The following ADAMTSL1 variants were observed in gnomAD, a reference collection of about 807,000 sequenced individuals.
ADAMTSL1 encodes ADAMTS like 1.
Under a neutral mutation model 201.8 loss-of-function variants are expected in ADAMTSL1, and 126 were observed. That is an observed-to-expected ratio of 0.62 (90% confidence interval 0.54 to 0.72). The LOEUF is 0.72. Among genes scored for constraint, ADAMTSL1 ranks in the 30% least tolerant of loss-of-function variants. The probability of loss-of-function intolerance (pLI) is 0.00; values close to 1 mark genes in which losing one functional copy is unlikely to be tolerated. For missense variants in ADAMTSL1, 2,679 were observed against 2,277.8 expected, an observed-to-expected ratio of 1.18 and a Z score of -3.59; for synonymous variants, 1,121 against 903.4, an observed-to-expected ratio of 1.24 and a Z score of -4.32.
intron 21 of ADAMTSL1, among the ~76,000 whole-genome samples, chr9:18,822,403 T>A (rs530801776): frequency 1.3e-5 from 2 of 152,334 alleles, no homozygotes; most frequent in East Asian, 3.9e-4. Flanking sequence ...TAGAAAGGAA[T>A]TAAGCCTTTG....
chr9:17,986,632 A>C (rs1818940605), intron 1 of ADAMTSL1, among the ~76,000 whole-genome samples: 1 of 152,126 alleles, frequency 6.6e-6, no homozygotes, highest in African/African-American at 2.4e-5. Flanking sequence ...TGCATTTAAA[A>C]TTATGCTATA....
At chr9:17,964,349 A>G (rs1324459403) in intron 1 of ADAMTSL1, among the ~76,000 whole-genome samples, 2 of 152,090 alleles carry the variant, frequency 1.3e-5, no homozygotes, top group Non-Finnish European at 2.9e-5. Flanking sequence ...TCCAACCCCT[A>G]CAAACAATAT....
chr9:18,651,158 C>T (rs4977510), intron 7 of ADAMTSL1: 40,451 of 152,058 alleles, frequency 0.27, 5,897 homozygotes, highest in East Asian at 0.65. Flanking sequence ...GCTATGAGAG[C>T]AGACTGGGGG....
intron 2 of ADAMTSL1, among the ~76,000 whole-genome samples, chr9:18,527,565 A>C (rs537131194): frequency 6.6e-6 from 1 of 152,272 alleles, no homozygotes; most frequent in African/African-American, 2.4e-5. Context: ...AAATCTTTTA[A>C]TTTTTCATGT....
chr9:18,549,497 G>A (rs573465054), intron 3 of ADAMTSL1, among the ~76,000 whole-genome samples: 1 of 152,082 alleles, frequency 6.6e-6, no homozygotes, highest in African/African-American at 2.4e-5. Context: ...ATATAGGAAA[G>A]GTGGGCAAAA....
At chr9:18,398,606 C>G (rs1002383728) in intron 2 of ADAMTSL1, among the ~76,000 whole-genome samples, 1 of 152,144 alleles carries the variant, frequency 6.6e-6, no homozygotes, top group African/African-American at 2.4e-5. Flanking sequence ...GAAACCATGT[C>G]TTTCACAAAA....
At chr9:18,706,316 GA>G (rs1832229499) in intron 13 of ADAMTSL1, among the ~76,000 whole-genome samples, 1 of 152,186 alleles carries the variant, frequency 6.6e-6, no homozygotes, top group South Asian at 2.1e-4. Flanking sequence ...AGGACAACCA[GA>G]GCTTGCTTTC....
chr9:18,358,793 T>C (rs1836370860), intron 2 of ADAMTSL1, among the ~76,000 whole-genome samples: 2 of 152,234 alleles, frequency 1.3e-5, no homozygotes, highest in African/African-American at 4.8e-5. Flanking sequence ...ACATTTGGAT[T>C]ATTTCCTTAT....
intron 1 of ADAMTSL1, among the ~76,000 whole-genome samples, chr9:18,079,543 A>T (rs950880652): frequency 6.6e-6 from 1 of 151,868 alleles, no homozygotes; most frequent in Non-Finnish European, 1.5e-5. Flanking sequence ...TTAGCCGGGC[A>T]TGGTGGTGCA....
At chr9:18,673,667 A>T (rs960795141) in intron 9 of ADAMTSL1, among the ~76,000 whole-genome samples, 1 of 152,208 alleles carries the variant, frequency 6.6e-6, no homozygotes, top group African/African-American at 2.4e-5. Flanking sequence ...AAATCAATTG[A>T]CAGAGATCTG....
intron 2 of ADAMTSL1, among the ~76,000 whole-genome samples, chr9:18,404,888 CTTG>C (rs1169614038): frequency 1.3e-5 from 2 of 152,114 alleles, no homozygotes; most frequent in South Asian, 2.1e-4. Context: ...CAGGTTGTAT[CTTG>C]TTGTTCCACA....
intron 2 of ADAMTSL1, among the ~76,000 whole-genome samples, chr9:18,185,710 A>T (rs866932507): frequency 6.6e-6 from 1 of 152,178 alleles, no homozygotes; most frequent in Admixed American, 6.6e-5. Flanking sequence ...TGGTATAGAA[A>T]TGAATAGCTT....
chr9:18,807,659 CAAA>C, intron 20 of ADAMTSL1, among the ~76,000 whole-genome samples: 1 of 86,588 alleles, frequency 1.2e-5, no homozygotes, highest in Admixed American at 1.1e-4. Flanking sequence ...AAAAAAAAAA[CAAA>C]AAAAAAACAA....
chr9:17,977,388 G>C (rs2131451382), intron 1 of ADAMTSL1, among the ~76,000 whole-genome samples: 1 of 152,166 alleles, frequency 6.6e-6, no homozygotes, highest in Non-Finnish European at 1.5e-5. Flanking sequence ...GAGAAGGATT[G>C]CTATTAGTTA....
At chr9:18,316,153 G>C (rs1490525398) in intron 2 of ADAMTSL1, among the ~76,000 whole-genome samples, 2 of 152,166 alleles carry the variant, frequency 1.3e-5, no homozygotes, top group Non-Finnish European at 2.9e-5. Flanking sequence ...CAGACATCAA[G>C]TACTTTACAC....
chr9:18,198,329 A>C (rs972559147), intron 2 of ADAMTSL1, among the ~76,000 whole-genome samples: 16 of 146,440 alleles, frequency 1.1e-4, no homozygotes, highest in African/African-American at 3.5e-4. Context: ...GCAACCTACA[A>C]AATGGGAGAA....
chr9:18,514,073 A>G (rs1042265175), intron 2 of ADAMTSL1, among the ~76,000 whole-genome samples: 2 of 152,212 alleles, frequency 1.3e-5, no homozygotes, highest in Non-Finnish European at 2.9e-5. Context: ...TCTATAGATC[A>G]CATTGGGTAA....
At chr9:18,509,190 CAAAAAAAAAAAAAAAAAAAAAAAAAAAA>C (rs57922962) in intron 2 of ADAMTSL1, among the ~76,000 whole-genome samples, 3 of 20,452 alleles carry the variant, frequency 1.5e-4, no homozygotes, top group African/African-American at 3.4e-4. Context: ...GACTCCGTCT[CAAAAAAAAAAAAAAAAAAAAAAAAAAAA>C]AAAAAAAAAA....
At chr9:18,851,417 A>G (rs1380649793) in intron 23 of ADAMTSL1, among the ~76,000 whole-genome samples, 1 of 152,194 alleles carries the variant, frequency 6.6e-6, no homozygotes, top group Non-Finnish European at 1.5e-5. Flanking sequence ...AAATCCATAC[A>G]GGTCTGCAGC....
Sources: gnomAD v4.1 joint callset for allele counts (sites outside exome capture counted in the v4.1 genomes callset) on GRCh38, gnomAD v4.1.1 for gene constraint, MANE v1.5 for transcripts, NCBI Gene and HGNC (gene_info 2026-07-23, HGNC 2026-07-21) for gene names.